Variants in GABRR1 observed in about 807,000 individuals in gnomAD.
GABRR1 encodes the protein gamma-aminobutyric acid receptor subunit rho-1.
In GABRR1, 59 loss-of-function variants were observed where a neutral mutation model predicts 55.5. The ratio of observed to expected loss-of-function variants is 1.06; its 90% confidence interval spans 0.86 to 1.32. GABRR1 has a LOEUF of 1.32. Among genes scored for constraint, GABRR1 ranks in the 40% most tolerant of loss-of-function variants. The pLI is 0.00. For synonymous variants in GABRR1, 213 were observed against 226.0 expected (o/e 0.94, Z 0.51); for missense variants, 602 against 619.1 (o/e 0.97, Z 0.29).
chr6:89,206,208 CA>C (rs1479914686), intron 1 of GABRR1, among the ~76,000 whole-genome samples: 9 of 150,064 alleles, frequency 6.0e-5, no homozygotes, highest in African/African-American at 2.0e-4. Flanking sequence ...CCAACCACCC[CA>C]CCAACACCAT....
upstream of GABRR1, chr6:89,221,438 C>A (rs1046049823): frequency 1.3e-5 from 2 of 151,988 alleles, no homozygotes; most frequent in Non-Finnish European, 2.9e-5. Flanking sequence ...AAGTGCAGAT[C>A]AAAAATATCT....
At chr6:89,190,106 T>C in intron 6 of GABRR1, 59 bp downstream of exon 6, 2 of 1,192,924 alleles carry the variant, frequency 1.7e-6, no homozygotes, top group Non-Finnish European at 2.4e-6. Context: ...AGCTGAGAGT[T>C]AGAGGTGTTG....
At chr6:89,195,661 A>G (rs1582387789) in intron 5 of GABRR1, among the ~76,000 whole-genome samples, 1 of 152,264 alleles carries the variant, frequency 6.6e-6, no homozygotes, top group Non-Finnish European at 1.5e-5. Context: ...ATAATTCACT[A>G]TCACCAGACT....
At chr6:89,210,763 G>C (rs1772809526) in intron 1 of GABRR1, among the ~76,000 whole-genome samples, 1 of 152,104 alleles carries the variant, frequency 6.6e-6, no homozygotes, top group Admixed American at 6.5e-5. Context: ...CTTGATTGTG[G>C]GGAAACAAGG....
rs535737319 is a variant in GABRR1, at chr6:89,185,126, C to T, written c.796+184G>A. 2.0e-5 allele frequency among the ~76,000 whole-genome samples: 3 copies of T among 152,242 alleles called. No individual in the cohort carries two copies. In the East Asian group the frequency reaches 5.8e-4, roughly 29 times the overall value. Reference sequence around the variant, plus strand: ...TCTTGAACTCCTAAGCTCAAGCAATCCATCCACCTTGGCCTCCCAAAGTGC... The same window carrying T: ...TCTTGAACTCCTAAGCTCAAGCAATTCATCCACCTTGGCCTCCCAAAGTGC... On this transcript the variant is annotated intron_variant, in intron 7 of 9. Transcript: ENST00000454853.
chr6:89,203,626 A>G (rs1772550861), intron 1 of GABRR1, 141 bp from the exon 2 acceptor site: 4 of 679,382 alleles, frequency 5.9e-6, no homozygotes, highest in Admixed American at 2.5e-5. Context: ...CGAAGATTCA[A>G]TGCATTCATT....
In GABRR1 at chr6:89,198,121, G is replaced by T. The variant is rs191325559; in HGVS notation, c.471C>A (p.Asp157Glu). The change falls in exon 5 of 10, where the codon GAC becomes GAA. Residue 157 changes from aspartate (D) to glutamate (E), a missense_variant. Physicochemically the swap from Asp to Glu is conservative, Grantham distance 45 (BLOSUM62 2). Around this residue, in one of 3 missense-constraint regions of GABRR1, gnomAD observed 435 missense variants for 424.2 expected, o/e 1.03. Coordinates refer to ENST00000454853, the MANE Select transcript of GABRR1 (RefSeq NM_002042.5). ...GRLVKKIWVPDMFFVHSKRSF... is the reference protein window; with the variant it reads ...GRLVKKIWVPEMFFVHSKRSF... ...AGCGTTTGGAGTGCACGAAAAACATGTCAGGGACCCAGATCTTCTTGACCA... is the reference window on the plus strand; with the variant it reads ...AGCGTTTGGAGTGCACGAAAAACATTTCAGGGACCCAGATCTTCTTGACCA... 1 of 1,614,132 alleles carries T rather than the reference G, an allele frequency of 6.2e-7. No homozygotes were observed. Among genetic ancestry groups the T allele is most frequent in the South Asian group, 1.1e-5 (1 of 91,072 alleles).
At chr6:89,203,633 C>A (rs1463339921) in intron 1 of GABRR1, 148 bp from the exon 2 acceptor site, 21 of 660,272 alleles carry the variant, frequency 3.2e-5, no homozygotes, top group Non-Finnish European at 5.4e-5. Context: ...TCAATGCATT[C>A]ATTTAGCCTC....
In GABRR1 at chr6:89,178,556, A is replaced by C. The variant is rs1771609868; in HGVS notation, c.*214T>G. ...AGTGTCGTATTTCCTGCAGCACCTA[A>C]TATAATGCTGTGTATTCAATAGATG... is the stretch of plus-strand genomic sequence containing the variant. On this transcript the variant is annotated 3_prime_UTR_variant, in exon 10 of 10. Coordinates refer to ENST00000454853, the MANE Select transcript of GABRR1 (RefSeq NM_002042.5). 4 of 574,956 alleles carry C rather than the reference A, an allele frequency of 7.0e-6. No individual in the cohort carries two copies. Among genetic ancestry groups the C allele is most frequent in the Non-Finnish European group, 1.2e-5 (4 of 323,958 alleles). The allele number at this position is 574,956 out of a possible 1,614,324, so 35.6% of individuals were successfully genotyped here.
intron 5 of GABRR1, 125 bp from the exon 6 acceptor site, chr6:89,190,372 A>ATG (rs1199454884): frequency 1.7e-6 from 1 of 595,734 alleles, no homozygotes; most frequent in East Asian, 2.9e-5. Flanking sequence ...TTCATAAGCA[A>ATG]TGTGTCAGGG....
upstream of GABRR1, among the ~76,000 whole-genome samples, chr6:89,218,565 C>G (rs1006504218): frequency 1.3e-5 from 2 of 152,230 alleles, no homozygotes; most frequent in Non-Finnish European, 2.9e-5. Flanking sequence ...TACCCAGTCT[C>G]TCTACATTTC....
chr6:89,207,832 T>C (rs62416272), intron 1 of GABRR1, among the ~76,000 whole-genome samples: 9,454 of 152,280 alleles, frequency 0.062, 391 homozygotes, highest in Non-Finnish European at 0.094. Context: ...TTTTTAAAAA[T>C]GGAGCTCTTT....
At chr6:89,224,496 C>T (rs537848165) in intron 1 of GABRR1, among the ~76,000 whole-genome samples, 29 of 152,296 alleles carry the variant, frequency 1.9e-4, no homozygotes, top group African/African-American at 6.3e-4. Flanking sequence ...CATCTATTCA[C>T]GTCCTTAGCC....
At chr6:89,217,133 A>G (rs1773010332) in intron 1 of GABRR1, 68 bp downstream of exon 1, 2 of 1,546,504 alleles carry the variant, frequency 1.3e-6, no homozygotes, top group Admixed American at 3.8e-5. Context: ...CAGTTTCTAG[A>G]AGAACACTGT....
chr6:89,201,172 C>G lies in GABRR1; in HGVS notation c.267G>C (p.Arg89Ser), dbSNP rs1351598277. The G allele has an allele frequency of 2.5e-6, 4 of 1,613,380 alleles. No homozygotes were observed. The highest frequency in any genetic ancestry group is 3.4e-6 in the Non-Finnish European group (4 of 1,179,416). Residue 89 changes from arginine to serine, a missense_variant, in exon 3 of 10, where the codon AGG (arginine) becomes AGC (serine). By Grantham distance (110) the Arg-to-Ser change is moderately radical. Around this residue, in one of 3 missense-constraint regions of GABRR1, gnomAD observed 435 missense variants for 424.2 expected, o/e 1.03. Transcript: ENST00000454853. ...LRIDDHDFSM[R>S]PGFGGPAIPV... ...CACATCCCATACCTCCAAAGCCAGG[C>G]CTCATGCTGAAATCATGGTCATCTA...
chr6:89,212,036 T>C, intron 1 of GABRR1: 1 of 265,302 alleles, frequency 3.8e-6, no homozygotes, highest in Non-Finnish European at 4.5e-6. Flanking sequence ...TCCTGCTGAC[T>C]GGACAGCTGT....
intron 5 of GABRR1, among the ~76,000 whole-genome samples, chr6:89,192,515 C>T (rs1046757399): frequency 5.3e-5 from 8 of 151,940 alleles, no homozygotes; most frequent in African/African-American, 1.9e-4. Context: ...CAAATCTTTC[C>T]TTTCTCCCGC....
At chr6:89,183,743 T>C (rs570680895) in intron 7 of GABRR1, among the ~76,000 whole-genome samples, 1 of 151,994 alleles carries the variant, frequency 6.6e-6, no homozygotes, top group South Asian at 2.1e-4. Flanking sequence ...GCCATTATTC[T>C]AGGTGAAATA....
intron 5 of GABRR1, among the ~76,000 whole-genome samples, chr6:89,191,479 A>C (rs987355444): frequency 6.6e-6 from 1 of 152,248 alleles, no homozygotes; most frequent in Non-Finnish European, 1.5e-5. Context: ...ATGTTTTGCT[A>C]CGAACAAGGG....
Sources: gnomAD v4.1 joint callset for allele counts (sites outside exome capture counted in the v4.1 genomes callset) on GRCh38, gnomAD v4.1.1 for gene constraint, gnomAD v4.1.1 regional missense constraint, MANE v1.5 for transcripts, NCBI Gene and HGNC (gene_info 2026-07-23, HGNC 2026-07-21) for gene names.